Variants in RAD51B observed in about 807,000 individuals in gnomAD.
RAD51B encodes the protein RAD51 paralog B, also known as DNA repair protein RAD51 homolog 2.
RAD51B carries 38 observed loss-of-function variants against 42.2 expected under a neutral mutation model. The ratio of observed to expected loss-of-function variants is 0.90; its 90% CI spans 0.70 to 1.18. The LOEUF (loss-of-function observed/expected upper bound fraction) is 1.18, where lower values mean the gene tolerates loss of function less well. Ranked by LOEUF, RAD51B falls within the 50% of genes most tolerant of loss-of-function variation. The pLI, the probability that RAD51B is intolerant of heterozygous loss-of-function variation, is 0.00. For missense variants in RAD51B, 373 were observed against 400.7 expected (o/e 0.93, Z 0.59); for synonymous variants, 154 against 145.2 (o/e 1.06, Z -0.43).
At chr14:68,031,724 T>A (rs935835388) in intron 7 of RAD51B, among the ~76,000 whole-genome samples, 1 of 152,198 alleles carries the variant, frequency 6.6e-6, no homozygotes, top group African/African-American at 2.4e-5. Flanking sequence ...TATTTTCCAC[T>A]CTTCTCAAAC....
chr14:68,404,418 A>G (rs931639552), intron 8 of RAD51B, among the ~76,000 whole-genome samples: 2 of 152,210 alleles, frequency 1.3e-5, no homozygotes, highest in Non-Finnish European at 2.9e-5. Context: ...GATTCCTCCT[A>G]CTTTAAATTT....
intron 10 of RAD51B, among the ~76,000 whole-genome samples, chr14:68,649,523 T>C (rs1005264963): frequency 1.3e-5 from 2 of 152,238 alleles, no homozygotes; most frequent in African/African-American, 2.4e-5. Context: ...TAAGTGTCCA[T>C]TGGCCATTAG....
intron 10 of RAD51B, among the ~76,000 whole-genome samples, chr14:68,634,325 C>T (rs1892298051): frequency 6.6e-6 from 1 of 152,196 alleles, no homozygotes; most frequent in Admixed American, 6.5e-5. Flanking sequence ...AAGTCACCTC[C>T]TCTGCTTAGA....
chr14:68,561,182 C>T (rs1366190004), intron 10 of RAD51B, among the ~76,000 whole-genome samples: 1 of 152,234 alleles, frequency 6.6e-6, no homozygotes, highest in Non-Finnish European at 1.5e-5. Context: ...ACACAACAAG[C>T]TCTTCGCATG....
intron 10 of RAD51B, among the ~76,000 whole-genome samples, chr14:68,593,460 CAGAAG>C (rs1435763599): frequency 6.6e-6 from 1 of 152,054 alleles, no homozygotes; most frequent in Non-Finnish European, 1.5e-5. Context: ...CAGTGGCAAA[CAGAAG>C]AAAATTGTAG....
At chr14:68,655,874 A>G (rs1246198593) in intron 11 of RAD51B, among the ~76,000 whole-genome samples, 1 of 152,134 alleles carries the variant, frequency 6.6e-6, no homozygotes, top group Non-Finnish European at 1.5e-5. Flanking sequence ...TCGAGACTAT[A>G]ATTTCCCAGC....
chr14:68,335,240 T>G (rs2082427948), intron 8 of RAD51B, among the ~76,000 whole-genome samples: 1 of 139,428 alleles, frequency 7.2e-6, no homozygotes, highest in Non-Finnish European at 1.5e-5. Flanking sequence ...GAGGTTGTAG[T>G]GAGCCGAGAT....
chr14:68,073,631 T>G (rs536327291), intron 7 of RAD51B, among the ~76,000 whole-genome samples: 2 of 152,314 alleles, frequency 1.3e-5, no homozygotes, highest in South Asian at 4.1e-4. Flanking sequence ...GGTCTTTGTA[T>G]TTGAGTATAT....
intron 7 of RAD51B, among the ~76,000 whole-genome samples, chr14:67,930,930 CT>C (rs1224039819): frequency 2.3e-5 from 2 of 86,196 alleles, no homozygotes; most frequent in Non-Finnish European, 4.9e-5. Context: ...TTTTTTTTTT[CT>C]TTTTTTTGAG....
At position 67,825,446 on chromosome 14, in the gene RAD51B, CTCTT is replaced by C. The variant is rs750578543; in HGVS notation, c.85-16_85-13del. 4.7e-5 allele frequency: 73 copies of C among 1,544,952 alleles called. No individual in the cohort carries two copies. In the African/African-American group the frequency reaches 8.6e-4, roughly 18 times the overall value. On this transcript the variant is annotated splice_polypyrimidine_tract_variant and intron_variant, in intron 2 of 10. Transcript: ENST00000471583. ...GTTACACATATATGTTTAAAATACT[CTCTT>C]TATGTTTCTTTAGGACTTTTTATGT...
chr14:68,001,014 TC>T (rs1476497530), intron 7 of RAD51B, among the ~76,000 whole-genome samples: 1 of 152,202 alleles, frequency 6.6e-6, no homozygotes, highest in Non-Finnish European at 1.5e-5. Context: ...ATTTAGGTAT[TC>T]TATAATATTA....
intron 7 of RAD51B, among the ~76,000 whole-genome samples, chr14:67,991,622 A>G (rs1473131384): frequency 6.6e-6 from 1 of 152,216 alleles, no homozygotes; most frequent in African/African-American, 2.4e-5. Flanking sequence ...ATACCATAGG[A>G]ATCTGTCTTC....
chr14:67,977,457 C>T (rs2075016532), intron 7 of RAD51B, among the ~76,000 whole-genome samples: 2 of 152,190 alleles, frequency 1.3e-5, no homozygotes, highest in South Asian at 2.1e-4. Flanking sequence ...GGCTTTTAGC[C>T]TTGAACTATC....
chr14:67,906,138 T>G (rs765191504), intron 7 of RAD51B, among the ~76,000 whole-genome samples: 3 of 152,128 alleles, frequency 2.0e-5, no homozygotes, highest in Non-Finnish European at 4.4e-5. Context: ...GCCTTTTCTG[T>G]GTCTGTTGAG....
intron 7 of RAD51B, among the ~76,000 whole-genome samples, chr14:68,076,054 A>T (rs1046074037): frequency 2.6e-5 from 4 of 152,232 alleles, no homozygotes; most frequent in Non-Finnish European, 5.9e-5. Flanking sequence ...CTACAGACTA[A>T]TGAAAATCAT....
intron 4 of RAD51B, among the ~76,000 whole-genome samples, chr14:67,850,584 G>A (rs1382154777): frequency 2.6e-5 from 4 of 152,140 alleles, no homozygotes; most frequent in Non-Finnish European, 5.9e-5. Flanking sequence ...TTACTGTGAA[G>A]AACTCTCTGT....
chr14:67,963,019 G>A (rs2074701442), intron 7 of RAD51B, among the ~76,000 whole-genome samples: 1 of 151,978 alleles, frequency 6.6e-6, no homozygotes, highest in Admixed American at 6.6e-5. Flanking sequence ...AAGTTAGAGG[G>A]ACTTTTTCAC....
At chr14:68,027,779 T>A (rs1185030314) in intron 7 of RAD51B, among the ~76,000 whole-genome samples, 1 of 152,238 alleles carries the variant, frequency 6.6e-6, no homozygotes, top group Non-Finnish European at 1.5e-5. Context: ...AACTTTCTGC[T>A]GAATCTAGAT....
chr14:68,319,282 G>T (rs1024524065), intron 8 of RAD51B, among the ~76,000 whole-genome samples: 1 of 152,108 alleles, frequency 6.6e-6, no homozygotes, highest in Non-Finnish European at 1.5e-5. Context: ...AACAATTTTT[G>T]TATGAGTACA....
Sources: allele counts gnomAD v4.1 joint callset (sites outside exome capture counted in the v4.1 genomes callset), GRCh38; gene constraint gnomAD v4.1.1; transcripts MANE v1.5; gene names NCBI Gene and HGNC (gene_info 2026-07-23, HGNC 2026-07-21).